The following GRM5 variants were observed in gnomAD, a reference collection of about 807,000 sequenced individuals.
The protein encoded by GRM5 is metabotropic glutamate receptor 5.
A neutral mutation model predicts 83.1 loss-of-function variants in GRM5; 19 were observed. The observed-to-expected ratio is 0.23, with a 90% CI of 0.16 to 0.34. GRM5 has a LOEUF of 0.34. Among genes scored for constraint, GRM5 ranks in the 10% least tolerant of loss-of-function variants. The pLI is 1.00. For missense variants in GRM5, 1,160 were observed against 1,588.3 expected (o/e 0.73, Z 4.58); for synonymous variants, 675 against 633.6 (o/e 1.07, Z -0.98).
At chr11:88,847,699 C>T (rs1484207436) in intron 3 of GRM5, among the ~76,000 whole-genome samples, 1 of 151,836 alleles carries the variant, frequency 6.6e-6, no homozygotes, top group African/African-American at 2.4e-5. Context: ...AACTGATGTT[C>T]AAGTAAATGT....
At chr11:88,829,758 C>T (rs12286233) in intron 3 of GRM5, among the ~76,000 whole-genome samples, 3,875 of 152,014 alleles carry the variant, frequency 0.025, 173 homozygotes, top group African/African-American at 0.089. Context: ...AACAAGAAAA[C>T]AAAACTTTGC....
chr11:89,019,282 C>T (rs1467415648), intron 2 of GRM5, among the ~76,000 whole-genome samples: 4 of 152,150 alleles, frequency 2.6e-5, no homozygotes, highest in African/African-American at 9.7e-5. Context: ...AGGGTATGTG[C>T]TGTCATCATA....
At chr11:89,004,532 T>C (rs1565331265) in intron 2 of GRM5, among the ~76,000 whole-genome samples, 2 of 152,172 alleles carry the variant, frequency 1.3e-5, no homozygotes, top group Non-Finnish European at 2.9e-5. Flanking sequence ...GGGCACATTA[T>C]ATAAGGAAAG....
At chr11:88,605,079 A>G (rs959996125) in intron 4 of GRM5, 115 bp from the exon 5 acceptor site, 10 of 778,188 alleles carry the variant, frequency 1.3e-5, no homozygotes, top group Non-Finnish European at 2.2e-5. Flanking sequence ...CAATTTTATC[A>G]GAGTTAGAAC....
intron 4 of GRM5, among the ~76,000 whole-genome samples, chr11:88,614,356 A>T (rs1422979050): frequency 1.3e-5 from 2 of 152,204 alleles, no homozygotes. Flanking sequence ...AGCCTGGCAC[A>T]AGATGCTTCC....
intron 9 of GRM5, among the ~76,000 whole-genome samples, chr11:88,516,844 A>T (rs1423959218): frequency 6.6e-6 from 1 of 152,054 alleles, no homozygotes; most frequent in East Asian, 1.9e-4. Context: ...ACAAATTTAA[A>T]TCTACCATGG....
At chr11:88,630,548 CACACACACACACACACACACACACAA>C (rs1178275217) in intron 4 of GRM5, among the ~76,000 whole-genome samples, 63 of 16,206 alleles carry the variant, frequency 3.9e-3, no homozygotes, top group South Asian at 0.013. Context: ...TACACACACA[CACACACACACACACACACACACACAA>C]ACACACACAC....
At chr11:88,645,068 G>A (rs1939401714) in intron 4 of GRM5, among the ~76,000 whole-genome samples, 1 of 152,116 alleles carries the variant, frequency 6.6e-6, no homozygotes, top group Non-Finnish European at 1.5e-5. Context: ...AACCACCACT[G>A]AATCAATAAA....
At chr11:88,668,675 C>A (rs1046245711) in intron 3 of GRM5, among the ~76,000 whole-genome samples, 2 of 152,106 alleles carry the variant, frequency 1.3e-5, no homozygotes, top group Non-Finnish European at 2.9e-5. Flanking sequence ...AACAAGAGGT[C>A]TGTCTTAACA....
chr11:88,839,620 C>A (rs1189873387), intron 3 of GRM5, among the ~76,000 whole-genome samples: 1 of 152,130 alleles, frequency 6.6e-6, no homozygotes, highest in Non-Finnish European at 1.5e-5. Flanking sequence ...TAAATTACAT[C>A]TTTGGAGAGA....
intron 3 of GRM5, among the ~76,000 whole-genome samples, chr11:88,795,266 G>T (rs775994607): frequency 1.3e-5 from 2 of 152,200 alleles, no homozygotes; most frequent in Non-Finnish European, 2.9e-5. Flanking sequence ...AAGTTGTACA[G>T]CTGGTTACAG....
chr11:88,824,274 G>C (rs995046617), intron 3 of GRM5, among the ~76,000 whole-genome samples: 5 of 152,156 alleles, frequency 3.3e-5, no homozygotes, highest in Admixed American at 6.5e-5. Flanking sequence ...GAATTTTCTG[G>C]TGGCGGGGGA....
intron 3 of GRM5, among the ~76,000 whole-genome samples, chr11:88,807,568 T>G (rs1335853922): frequency 6.6e-6 from 1 of 152,094 alleles, no homozygotes; most frequent in Non-Finnish European, 1.5e-5. Context: ...TGGTAAGCAC[T>G]TACTGCTGGG....
chr11:89,047,885 G>GTTCAAGC lies in GRM5; in HGVS notation c.-20_-14dup. ...ACAGAAGGACCATTTTAGGAAAGGA[G>GTTCAAGC]TTCAAGCCAATAAAGATAGCATGGT... On this transcript the variant is annotated 5_prime_UTR_variant, in exon 2 of 10. Coordinates refer to ENST00000305447, the MANE Select transcript of GRM5 (RefSeq NM_001143831.3). The surrounding 1 kb of genome is among the most constrained non-coding windows in gnomAD (Gnocchi z 5.1). 1 of 1,606,848 alleles carries GTTCAAGC rather than the reference G, an allele frequency of 6.2e-7. No individual in the cohort carries two copies. The highest frequency in any genetic ancestry group is 8.5e-7 in the Non-Finnish European group (1 of 1,174,892).
At chr11:88,892,486 G>A (rs1162821168) in intron 2 of GRM5, among the ~76,000 whole-genome samples, 1 of 151,982 alleles carries the variant, frequency 6.6e-6, no homozygotes, top group Non-Finnish European at 1.5e-5. Context: ...ATGGAACAGA[G>A]TTCCATCAAA....
At chr11:88,729,977 C>T (rs1006076907) in intron 3 of GRM5, among the ~76,000 whole-genome samples, 2 of 152,182 alleles carry the variant, frequency 1.3e-5, no homozygotes, top group Admixed American at 1.3e-4. Flanking sequence ...TGGGCAAGGA[C>T]TTCATGACTA....
At chr11:88,617,905 A>G (rs1230625106) in intron 4 of GRM5, among the ~76,000 whole-genome samples, 2 of 152,176 alleles carry the variant, frequency 1.3e-5, no homozygotes, top group Non-Finnish European at 2.9e-5. Context: ...TGGGACAGGG[A>G]GACAGTAGGG....
intron 3 of GRM5, among the ~76,000 whole-genome samples, chr11:88,682,104 A>C (rs2135346923): frequency 6.6e-6 from 1 of 152,312 alleles, no homozygotes; most frequent in Middle Eastern, 3.4e-3. Flanking sequence ...AACTGATTTT[A>C]AGTAACTGAG....
At chr11:88,613,199 A>T (rs1160700387) in intron 4 of GRM5, among the ~76,000 whole-genome samples, 1 of 152,126 alleles carries the variant, frequency 6.6e-6, no homozygotes, top group East Asian at 1.9e-4. Flanking sequence ...TGTTCTGTAG[A>T]TGTGTAATTA....
Sources: allele counts gnomAD v4.1 joint callset (sites outside exome capture counted in the v4.1 genomes callset), GRCh38; gene constraint gnomAD v4.1.1; non-coding constraint Gnocchi (gnomAD v3.1); transcripts MANE v1.5; gene names NCBI Gene and HGNC (gene_info 2026-07-23, HGNC 2026-07-21).